The following FGF12 variants were observed in gnomAD, a reference collection of about 807,000 sequenced individuals.
FGF12 encodes the protein fibroblast growth factor 12.
A neutral mutation model predicts 23.6 loss-of-function variants in FGF12; 14 were observed. That is an observed-to-expected ratio of 0.59 (90% CI 0.39 to 0.93). The LOEUF is 0.93. Ranked by LOEUF, FGF12 falls within the 40% of genes least tolerant of loss-of-function variation. The probability of loss-of-function intolerance (pLI) is 0.00; values close to 1 mark genes in which losing one functional copy is unlikely to be tolerated. For missense variants in FGF12, 175 were observed against 217.8 expected, an observed-to-expected ratio of 0.80 and a Z score of 1.24; for synonymous variants, 62 against 77.3, an observed-to-expected ratio of 0.80 and a Z score of 1.04.
intron 5 of FGF12, among the ~76,000 whole-genome samples, chr3:192,163,777 A>G (rs1715006740): frequency 6.6e-6 from 1 of 151,958 alleles, no homozygotes; most frequent in African/African-American, 2.4e-5. Flanking sequence ...AGCTTAAAGC[A>G]CCAATTCTAA....
intron 5 of FGF12, among the ~76,000 whole-genome samples, chr3:192,158,368 T>C (rs1359248354): frequency 1.0e-5 from 1 of 98,638 alleles, no homozygotes; most frequent in African/African-American, 5.0e-5. Context: ...CTTTCTTTCT[T>C]TCTTTCTTTC....
At chr3:192,668,848 T>C (rs1191301167) in intron 2 of FGF12, among the ~76,000 whole-genome samples, 1 of 151,826 alleles carries the variant, frequency 6.6e-6, no homozygotes, top group East Asian at 1.9e-4. Flanking sequence ...ATCCACGAAA[T>C]AGAGAAAATA....
At chr3:192,376,551 G>A (rs929010255) in intron 2 of FGF12, among the ~76,000 whole-genome samples, 11 of 151,758 alleles carry the variant, frequency 7.2e-5, no homozygotes, top group Admixed American at 2.6e-4. Context: ...TAGTAGAGAC[G>A]GGGTTGCTCC....
At chr3:192,159,239 A>T (rs1714726870) in intron 5 of FGF12, among the ~76,000 whole-genome samples, 1 of 152,190 alleles carries the variant, frequency 6.6e-6, no homozygotes, top group Non-Finnish European at 1.5e-5. Flanking sequence ...ACTCATGTCA[A>T]GTCACTACTG....
At chr3:192,337,110 A>C (rs1717456076) in intron 3 of FGF12, among the ~76,000 whole-genome samples, 1 of 152,170 alleles carries the variant, frequency 6.6e-6, no homozygotes, top group Non-Finnish European at 1.5e-5. Flanking sequence ...CAAGAACTAG[A>C]CAAAGTCTAG....
intron 2 of FGF12, among the ~76,000 whole-genome samples, chr3:192,702,951 G>A (rs774114743): frequency 1.3e-5 from 2 of 152,164 alleles, no homozygotes; most frequent in African/African-American, 2.4e-5. Context: ...CTCAGGCTTT[G>A]AGAGTTGCAG....
At position 192,141,521 on chromosome 3, in the gene FGF12, A is replaced by G. The variant is rs1713383421; in HGVS notation, c.*2488T>C. 2 of 151,978 alleles carry G rather than the reference A, an allele frequency of 1.3e-5. No individual in the cohort carries two copies. The highest frequency in any genetic ancestry group is 4.8e-5 in the African/African-American group (2 of 41,426). The allele number at this position is 151,978 out of a possible 1,614,324, so 9.4% of individuals were successfully genotyped here. A position where few individuals can be genotyped will look rare whatever the true frequency, so the allele number is the denominator to read the frequency against. ...ACAAAGCTAATTTCCAAAACATTTTACTGCAGTGAACATTTGCTTAACATA... is the reference window on the plus strand; with the variant it reads ...ACAAAGCTAATTTCCAAAACATTTTGCTGCAGTGAACATTTGCTTAACATA... On this transcript the variant is annotated 3_prime_UTR_variant, in exon 6 of 6. Transcript: ENST00000445105.
In FGF12 at chr3:192,571,088, A is replaced by AGGGG. The variant is rs1390077944; in HGVS notation, c.13+156092_13+156093insCCCC. 8.3e-4 allele frequency among the ~76,000 whole-genome samples: 120 copies of AGGGG among 144,170 alleles called. 1 individual carries two copies. The highest frequency in any genetic ancestry group is 2.9e-3 in the Admixed American group (42 of 14,500). 94.6% of individuals were successfully genotyped at this position (144,170 alleles called of 152,430 possible). A position where few individuals can be genotyped will look rare whatever the true frequency, so the allele number is the denominator to read the frequency against. On this transcript the variant is annotated intron_variant, in intron 2 of 5. Transcript: ENST00000445105. ...ATTTCTACATTGGTGTTGGGGGGAA[A>AGGGG]AAACAAACCTTATTAGCCACACATA...
At chr3:192,305,125 A>G (rs1026618862) in intron 4 of FGF12, among the ~76,000 whole-genome samples, 84 of 152,118 alleles carry the variant, frequency 5.5e-4, no homozygotes, top group Non-Finnish European at 7.6e-4. Context: ...AGAAAACTAA[A>G]TTGTTATAAA....
intron 2 of FGF12, among the ~76,000 whole-genome samples, chr3:192,463,779 C>T (rs968995939): frequency 2.6e-5 from 4 of 151,910 alleles, no homozygotes; most frequent in African/African-American, 9.7e-5. Flanking sequence ...CCTTAACTCA[C>T]TTAAATCAGA....
rs919426913 is a variant in FGF12, at chr3:192,301,160, A to T, written c.228+34201T>A. On this transcript the variant is annotated intron_variant, in intron 4 of 5. Coordinates refer to ENST00000445105, the MANE Select transcript of FGF12 (RefSeq NM_004113.6). ...AACATGGACTTAAAATATTACTGTGAAAAAAAAAGGGCAATAGAAAGGAGT... is the reference window on the plus strand; with the variant it reads ...AACATGGACTTAAAATATTACTGTGTAAAAAAAAGGGCAATAGAAAGGAGT... Among the ~76,000 whole-genome samples, 7 of 151,404 alleles carry T rather than the reference A, an allele frequency of 4.6e-5. 2 individuals are homozygous for T.
chr3:192,263,051 A>T (rs1376953669), intron 4 of FGF12, among the ~76,000 whole-genome samples: 1 of 152,096 alleles, frequency 6.6e-6, no homozygotes, highest in Non-Finnish European at 1.5e-5. Context: ...CATTAGCATA[A>T]ACACTCTGAT....
chr3:192,288,356 A>G (rs1714571950), intron 4 of FGF12, among the ~76,000 whole-genome samples: 2 of 152,104 alleles, frequency 1.3e-5, no homozygotes, highest in Non-Finnish European at 1.5e-5. Flanking sequence ...TACATAAACC[A>G]TCTAGGTATC....
chr3:192,175,312 T>C (rs530073354), intron 4 of FGF12, among the ~76,000 whole-genome samples: 25 of 152,336 alleles, frequency 1.6e-4, no homozygotes, highest in African/African-American at 5.3e-4. Context: ...GACTAACCAG[T>C]AGTCATGTTG....
At position 192,698,128 on chromosome 3, in the gene FGF12, C is replaced by T. The variant is rs146667162; in HGVS notation, c.13+29053G>A. On this transcript the variant is annotated intron_variant, in intron 2 of 5. Coordinates refer to ENST00000445105, the MANE Select transcript of FGF12 (RefSeq NM_004113.6). ...CTTTTGTTCACTGCTCTATATAAAG[C>T]AGTGCTTAGCACACAATAAGTCTCA... 4.3e-3 allele frequency among the ~76,000 whole-genome samples: 648 copies of T among 152,232 alleles called. 4 individuals are homozygous for T. The highest frequency in any genetic ancestry group is 0.015 in the African/African-American group (624 of 41,548).
intron 2 of FGF12, among the ~76,000 whole-genome samples, chr3:192,576,693 G>A (rs1020202380): frequency 1.3e-5 from 2 of 152,208 alleles, no homozygotes; most frequent in Admixed American, 1.3e-4. Flanking sequence ...TTGAAAGGCA[G>A]AGAAAGAACA....
At position 192,641,024 on chromosome 3, in the gene FGF12, T is replaced by C. The variant is rs531631270; in HGVS notation, c.13+86157A>G. On this transcript the variant is annotated intron_variant, in intron 2 of 5. Coordinates refer to ENST00000445105, the MANE Select transcript of FGF12 (RefSeq NM_004113.6). ...GAGACAGAGGCTGTGTTGCCCAGGA[T>C]GGTCTCAATGATCCACCTGCCTCAG... Among the ~76,000 whole-genome samples, 14 of 151,920 alleles carry C rather than the reference T, an allele frequency of 9.2e-5. No homozygotes were observed. The South Asian group carries it at 1.2e-3, about 14-fold the overall frequency.
intron 2 of FGF12, among the ~76,000 whole-genome samples, chr3:192,482,164 T>C (rs1348610913): frequency 6.6e-6 from 1 of 152,170 alleles, no homozygotes; most frequent in African/African-American, 2.4e-5. Flanking sequence ...ACCTCAATCA[T>C]AGAAGAGATT....
At chr3:192,554,293 TG>T (rs1560148637) in intron 2 of FGF12, among the ~76,000 whole-genome samples, 1 of 152,126 alleles carries the variant, frequency 6.6e-6, no homozygotes, top group Non-Finnish European at 1.5e-5. Flanking sequence ...GGGAGCTCTC[TG>T]GGGGGAATTG....
Sources: gnomAD v4.1 joint callset for allele counts (sites outside exome capture counted in the v4.1 genomes callset) on GRCh38, gnomAD v4.1.1 for gene constraint, MANE v1.5 for transcripts, NCBI Gene and HGNC (gene_info 2026-07-23, HGNC 2026-07-21) for gene names.